Variants in ATG2B observed in about 807,000 individuals in gnomAD.
The protein encoded by ATG2B is autophagy related 2B, also known as autophagy-related protein 2 homolog B.
A neutral mutation model predicts 241.3 loss-of-function variants in ATG2B; 121 were observed. The observed-to-expected ratio is 0.50, with a 90% CI of 0.43 to 0.58. The LOEUF (loss-of-function observed/expected upper bound fraction) is 0.58. Among genes scored for constraint, ATG2B ranks in the 20% least tolerant of loss-of-function variants. The probability of loss-of-function intolerance (pLI) is 0.00; values close to 1 mark genes in which losing one functional copy is unlikely to be tolerated. For synonymous variants in ATG2B, 858 were observed against 876.6 expected, an observed-to-expected ratio of 0.98 and a Z score of 0.37; for missense variants, 2,306 against 2,491.6, an observed-to-expected ratio of 0.93 and a Z score of 1.59.
At chr14:96,355,977 T>C (rs1888462196) in intron 1 of ATG2B, among the ~76,000 whole-genome samples, 1 of 151,996 alleles carries the variant, frequency 6.6e-6, no homozygotes, top group Admixed American at 6.6e-5. Flanking sequence ...GAGACCATCC[T>C]GGCTAACATG....
chr14:96,311,894 A>G (rs1261363751), intron 26 of ATG2B, among the ~76,000 whole-genome samples, 195 bp downstream of exon 26: 1 of 152,184 alleles, frequency 6.6e-6, no homozygotes, highest in Non-Finnish European at 1.5e-5. Context: ...TCAAACTGAA[A>G]AACCAGTATC....
In ATG2B at chr14:96,309,387, G is replaced by A. The variant is rs116862930; in HGVS notation, c.4303+66C>T. The A allele has an allele frequency of 6.9e-3, 10,502 of 1,513,508 alleles. 37 individuals are homozygous for A. Among genetic ancestry groups the A allele is most frequent in the Non-Finnish European group, 8.3e-3 (9,302 of 1,125,466 alleles). The allele number at this position is 1,513,508 out of a possible 1,614,324, so 93.8% of individuals were successfully genotyped here. On this transcript the variant is annotated intron_variant, in intron 29 of 41. Transcript: ENST00000359933. ...TTAATAAGTGACTTATTAAATTTAC[G>A]AGAACACAAATAAAGTAAGCCCCAA...
Position 96,332,592 on chromosome 14 carries a change from G to A in ATG2B, c.1271C>T (p.Pro424Leu). The A allele has an allele frequency of 6.2e-7, 1 of 1,609,456 alleles. No individual in the cohort carries two copies. The highest frequency in any genetic ancestry group is 1.7e-4 in the Middle Eastern group (1 of 6,038). Reference protein sequence around the residue: ...DMSHSLSSLPPLGDPPNMDLE... With the variant: ...DMSHSLSSLPLLGDPPNMDLE... ...GTCCATGTTTGGGGGGTCCCCAAGG[G>A]GTGGAAGAGAAGAGAGACTATGAGA... Residue 424 changes from proline (P) to leucine (L), a missense_variant, in exon 9 of 42, where the codon CCC (proline) becomes CTC (leucine). By Grantham distance (98) the Pro-to-Leu change is moderately conservative. This residue lies in a region of ATG2B where 1,927 missense variants were observed against 2,011.2 expected (regional missense o/e 0.96). Transcript: ENST00000359933.
intron 1 of ATG2B, among the ~76,000 whole-genome samples, chr14:96,358,309 C>T (rs968322239): frequency 6.6e-6 from 1 of 151,960 alleles, no homozygotes; most frequent in African/African-American, 2.4e-5. Flanking sequence ...TGGTGGTGTA[C>T]ATCAGTAGTC....
chr14:96,311,178 C>T lies in ATG2B; in HGVS notation c.4100G>A (p.Gly1367Asp), dbSNP rs1423554547. 1.2e-6 allele frequency: 2 copies of T among 1,613,774 alleles called. No individual in the cohort carries two copies. The highest frequency in any genetic ancestry group is 1.7e-6 in the Non-Finnish European group (2 of 1,179,886). The stretch of plus-strand genomic sequence containing the variant: ...TGCCTTGTTAGGTGTCTGCAAGTCA[C>T]CATAGCTTGCAATGTACTGAATGAG... ...MNLIQYIASY[G>D]DLQTPNKADM... is the part of the protein sequence containing the mutation. The change falls in exon 28 of 42, where the codon GGT (glycine) becomes GAT (aspartate). Residue 1367 changes from glycine (G) to aspartate (D), a missense_variant. Coordinates refer to ENST00000359933, the MANE Select transcript of ATG2B (RefSeq NM_018036.7).
chr14:96,294,849 C>T (rs1886585427), intron 36 of ATG2B, 111 bp downstream of exon 36: 10 of 862,116 alleles, frequency 1.2e-5, no homozygotes, highest in Non-Finnish European at 1.8e-5. Flanking sequence ...GATGATTTGG[C>T]AGTGCAAAGA....
In ATG2B at chr14:96,285,819, C is replaced by T; in HGVS notation, c.6173G>A (p.Arg2058Lys). The T allele has an allele frequency of 6.2e-7, 1 of 1,614,154 alleles. No individual in the cohort carries two copies. ...EATSNVLGGMRNQIRPDVRQD... is the reference protein window; with the variant it reads ...EATSNVLGGMKNQIRPDVRQD... ...CCGGACATCTGGCCTAATTTGGTTT[C>T]TCATGCCACCCAGCACGTTTGACGT... The change falls in exon 42 of 42, where the codon AGA (arginine) becomes AAA (lysine). Residue 2058 changes from arginine to lysine, a missense_variant. Physicochemically the swap from Arg to Lys is conservative, Grantham distance 26. Coordinates refer to ENST00000359933, the MANE Select transcript of ATG2B (RefSeq NM_018036.7). The surrounding 1 kb of genome is among the most constrained non-coding windows in gnomAD (Gnocchi z 4.2).
Position 96,301,997 on chromosome 14 carries a change from T to C in ATG2B, c.5139+10A>G. The C allele has an allele frequency of 6.2e-7, 1 of 1,604,914 alleles. No homozygotes were observed. Among genetic ancestry groups the C allele is most frequent in the Non-Finnish European group, 8.5e-7 (1 of 1,172,868 alleles). ...ACTGTAACGGCAGGAATCACGCTCA[T>C]GCTACAAACCTGGTCAATATTGAGG... On this transcript the variant is annotated intron_variant, in intron 34 of 41. Coordinates refer to ENST00000359933, the MANE Select transcript of ATG2B (RefSeq NM_018036.7).
rs533994750 is a variant in ATG2B, at chr14:96,350,764, T to G, written c.163-3423A>C. Among the ~76,000 whole-genome samples the G allele has an allele frequency of 1.3e-4, 20 of 152,204 alleles. 1 individual carries two copies. Among genetic ancestry groups the G allele is most frequent in the South Asian group, 4.1e-4 (2 of 4,834 alleles). ...CTACTTTAAAAGGCTTTCTTCATGCTGACATTTGCATAATCCTAAAGACTT... is the reference window on the plus strand; with the variant it reads ...CTACTTTAAAAGGCTTTCTTCATGCGGACATTTGCATAATCCTAAAGACTT... On this transcript the variant is annotated intron_variant, in intron 1 of 41. Transcript: ENST00000359933.
At chr14:96,298,288 C>A (rs796407438) in intron 34 of ATG2B, among the ~76,000 whole-genome samples, 6 of 152,302 alleles carry the variant, frequency 3.9e-5, no homozygotes, top group African/African-American at 1.4e-4. Flanking sequence ...TTTGGCAAGG[C>A]TATGAAGCAG....
rs1566726999 is a variant in ATG2B, at chr14:96,328,399, A to G, written c.2111T>C (p.Val704Ala). Residue 704 changes from valine (V) to alanine (A), a missense_variant, in exon 14 of 42, where the codon GTA (valine) becomes GCA (alanine). Physicochemically the swap from Val to Ala is moderately conservative, Grantham distance 64. Coordinates refer to ENST00000359933, the MANE Select transcript of ATG2B (RefSeq NM_018036.7). Reference sequence around the variant, plus strand: ...ATACATGTGGGATGCCATCATCTCTACTGTGGCAAGTTTCTGTGGTTGAAG... The same window carrying G: ...ATACATGTGGGATGCCATCATCTCTGCTGTGGCAAGTTTCTGTGGTTGAAG... The part of the protein sequence containing the change: ...SLLQPQKLAT[V>A]EMMASHMYTS... 6.2e-7 allele frequency: 1 copy of G among 1,613,746 alleles called. No homozygotes were observed. The highest frequency in any genetic ancestry group is 1.7e-5 in the Admixed American group (1 of 59,984).
chr14:96,311,955 A>C, intron 26 of ATG2B, 134 bp downstream of exon 26: 2 of 701,420 alleles, frequency 2.9e-6, no homozygotes, highest in Admixed American at 5.7e-5. Flanking sequence ...ATACTTAAAG[A>C]CCCTTTAATC....
In ATG2B at chr14:96,322,160, A is replaced by T. The variant is rs763758722; in HGVS notation, c.2831T>A (p.Ile944Asn). ...GCTCTTATTAGGTAGTGTTACATAA[A>T]TATTTGGTAACGTAAGTTCCAGCAC... ...HYVLELTLPN[I>N]YVTLPNKSFY... Residue 944 changes from isoleucine (I) to asparagine (N), a missense_variant, in exon 18 of 42, where the codon ATT (isoleucine) becomes AAT (asparagine). By Grantham distance (149) the Ile-to-Asn change is moderately radical. Transcript: ENST00000359933. 2.2e-5 allele frequency: 35 copies of T among 1,572,192 alleles called. No individual in the cohort carries two copies. Among genetic ancestry groups the T allele is most frequent in the Non-Finnish European group, 3.0e-5 (35 of 1,165,522 alleles).
rs747662364 is a variant in ATG2B, at chr14:96,333,808, C to A, written c.1087G>T (p.Glu363Ter). The change falls in exon 8 of 42, where the codon GAG becomes TAG. Residue 363 changes from glutamate to a stop codon, truncating the protein, a stop_gained. Transcript: ENST00000359933. LOFTEE classifies it high-confidence loss of function. ...TTTAATTCCATCTGAATTCGATACT[C>A]GTCTTCCTGCTGCATGGGTCGATTT... ...RKNRPMQQED[E>*]YRIQMELNRY... 1 of 1,613,884 alleles carries A rather than the reference C, an allele frequency of 6.2e-7. No homozygotes were observed. Among genetic ancestry groups the A allele is most frequent in the Non-Finnish European group, 8.5e-7 (1 of 1,179,870 alleles).
Position 96,343,376 on chromosome 14 carries a change from T to C in ATG2B, c.582-95A>G, listed in dbSNP as rs572791615. On this transcript the variant is annotated intron_variant, in intron 4 of 41. Transcript: ENST00000359933. ...ACATATGTAACTAACCTGCACATTGTGCACATGTACCCTAAAACTTAAAGT... is the reference window on the plus strand; with the variant it reads ...ACATATGTAACTAACCTGCACATTGCGCACATGTACCCTAAAACTTAAAGT... 5 of 558,776 alleles carry C rather than the reference T, an allele frequency of 8.9e-6. No individual in the cohort carries two copies. In the Admixed American group the frequency reaches 1.0e-4, roughly 11 times the overall value. The allele number at this position is 558,776 out of a possible 1,614,324, so 34.6% of individuals were successfully genotyped here. A position where few individuals can be genotyped will look rare whatever the true frequency, so the allele number is the denominator to read the frequency against.
At chr14:96,294,811 G>A in intron 36 of ATG2B, 149 bp downstream of exon 36, 1 of 682,894 alleles carries the variant, frequency 1.5e-6, no homozygotes, top group Middle Eastern at 4.0e-4. Context: ...AATTAGATGG[G>A]GACCACAAAC....
chr14:96,293,982 A>G (rs964692093), intron 36 of ATG2B, among the ~76,000 whole-genome samples: 24 of 152,242 alleles, frequency 1.6e-4, no homozygotes, highest in Admixed American at 1.2e-3. Flanking sequence ...GTAAAAATAA[A>G]AGGATCAATG....
chr14:96,288,526 T>C (rs1886398211), intron 41 of ATG2B, among the ~76,000 whole-genome samples: 1 of 152,180 alleles, frequency 6.6e-6, no homozygotes, highest in African/African-American at 2.4e-5. Context: ...TAAATCTTTT[T>C]TTCAAAGCTG....
At chr14:96,314,752 G>A (rs530512368) in intron 23 of ATG2B, among the ~76,000 whole-genome samples, 32 of 152,376 alleles carry the variant, frequency 2.1e-4, no homozygotes, top group African/African-American at 7.7e-4. Flanking sequence ...CCAGACTGGA[G>A]TGCAGTGGCA....
Sources: allele counts gnomAD v4.1 joint callset (sites outside exome capture counted in the v4.1 genomes callset), GRCh38; gene constraint gnomAD v4.1.1; regional missense constraint gnomAD v4.1.1; non-coding constraint Gnocchi (gnomAD v3.1); transcripts MANE v1.5; gene names NCBI Gene and HGNC (gene_info 2026-07-23, HGNC 2026-07-21).